ZNF718: variants seen among roughly 807,000 people sequenced by gnomAD.
ZNF718 encodes the protein zinc finger protein 718.
A neutral mutation model predicts 2.6 loss-of-function variants in ZNF718; 3 were observed. The observed-to-expected ratio is 1.16, with a 90% CI of 0.53 to 3.01. ZNF718 has a LOEUF of 3.01. ZNF718 is among the 30% of genes most tolerant of loss of function. The probability of loss-of-function intolerance (pLI) is 0.03; values close to 1 mark genes in which losing one functional copy is unlikely to be tolerated. For missense variants in ZNF718, 468 were observed against 230.0 expected (o/e 2.03, Z -6.69); for synonymous variants, 135 against 77.9 (o/e 1.73, Z -3.86).
At chr4:186,984 C>G (rs577916642) in intron 3 of ZNF718, among the ~76,000 whole-genome samples, 52 of 152,226 alleles carry the variant, frequency 3.4e-4, no homozygotes, top group Middle Eastern at 3.4e-3. Flanking sequence ...ACATGGTGCA[C>G]CCTTACTTTT....
At chr4:177,764 G>C (rs528681994) in intron 3 of ZNF718, among the ~76,000 whole-genome samples, 4 of 152,262 alleles carry the variant, frequency 2.6e-5, no homozygotes, top group African/African-American at 9.6e-5. Context: ...ATGAGACACT[G>C]ATGAGTTCTT....
chr4:167,181 G>A (rs1011752949), downstream of ZNF718, among the ~76,000 whole-genome samples: 4 of 152,064 alleles, frequency 2.6e-5, no homozygotes, highest in African/African-American at 4.8e-5. Context: ...CATTATTTTT[G>A]AGGGCTCTGT....
intron 3 of ZNF718, among the ~76,000 whole-genome samples, chr4:142,548 GCAT>G (rs1398260784): frequency 6.6e-6 from 1 of 151,908 alleles, no homozygotes; most frequent in African/African-American, 2.4e-5. Flanking sequence ...TTCTAGAGGG[GCAT>G]CATTTGTTAG....
intron 3 of ZNF718, among the ~76,000 whole-genome samples, chr4:153,716 G>A (rs1027697731): frequency 2.0e-5 from 3 of 152,032 alleles, no homozygotes; most frequent in Non-Finnish European, 4.4e-5. Context: ...CAACAAATTA[G>A]GTATAGATGG....
At chr4:145,695 C>T (rs1254399015) in intron 3 of ZNF718, among the ~76,000 whole-genome samples, 1 of 152,102 alleles carries the variant, frequency 6.6e-6, no homozygotes, top group Admixed American at 6.5e-5. Flanking sequence ...TGGGTTCAAG[C>T]ACTCCACCTG....
chr4:190,767 G>A (rs928438917), intron 3 of ZNF718, among the ~76,000 whole-genome samples: 17 of 152,106 alleles, frequency 1.1e-4, no homozygotes, highest in Non-Finnish European at 2.4e-4. Flanking sequence ...TCAACTGAGC[G>A]TGGTGGCTCA....
In ZNF718 at chr4:161,001, C is replaced by G. The variant is rs368501888; in HGVS notation, c.316C>G (p.Arg106Gly). 9.5e-5 allele frequency: 74 copies of G among 780,732 alleles called. 1 individual carries two copies. In the African/African-American group the frequency reaches 1.2e-3, roughly 12 times the overall value. 48.4% of individuals were successfully genotyped at this position (780,732 alleles called of 1,614,324 possible). A position where few individuals can be genotyped will look rare whatever the true frequency, so the allele number is the denominator to read the frequency against. The change falls in exon 4 of 4, where the codon CGT becomes GGT. Residue 106 changes from arginine (R) to glycine (G), a missense_variant. Coordinates refer to ENST00000510175, the MANE Select transcript of ZNF718 (RefSeq NM_001039127.6). Reference protein sequence around the residue: ...HKLIPKGHEKRGHENLRKTCK... With the variant: ...HKLIPKGHEKGGHENLRKTCK... The stretch of plus-strand genomic sequence containing the variant: ...ACTTATACCAAAAGGACATGAGAAA[C>G]GTGGACATGAGAATTTAAGAAAAAC...
chr4:150,393 T>C (rs1553812310), intron 3 of ZNF718: 2 of 152,166 alleles, frequency 1.3e-5, no homozygotes, highest in Non-Finnish European at 2.9e-5. Context: ...TGTATTTTCA[T>C]GTTTTTGTTT....
At chr4:193,209 C>A (rs531365953) in intron 3 of ZNF718, among the ~76,000 whole-genome samples, 12 of 152,068 alleles carry the variant, frequency 7.9e-5, no homozygotes, top group African/African-American at 2.2e-4. Context: ...CGGCTCTTTT[C>A]GCTTCAATAT....
rs1157888725 is a variant in ZNF718 at position 127,281 on chromosome 4, C to G, written c.3+2608C>G. On this transcript the variant is annotated intron_variant, in intron 1 of 3. Coordinates refer to ENST00000510175, the MANE Select transcript of ZNF718 (RefSeq NM_001039127.6). ...ATGACAAAGTGCAGCAAGGTGCTCC[C>G]CAAATCTGCAAACAAAATAGTCTCT... is the stretch of plus-strand genomic sequence containing the variant. 5.8e-5 allele frequency among the ~76,000 whole-genome samples: 6 copies of G among 104,268 alleles called. 2 individuals carry two copies. The highest frequency in any genetic ancestry group is 8.6e-5 in the Non-Finnish European group (4 of 46,726). The allele number at this position is 104,268 out of a possible 152,430, so 68.4% of individuals were successfully genotyped here. A position where few individuals can be genotyped will look rare whatever the true frequency, so the allele number is the denominator to read the frequency against.
chr4:144,796 A>G (rs1715975616), intron 3 of ZNF718, among the ~76,000 whole-genome samples: 1 of 151,972 alleles, frequency 6.6e-6, no homozygotes, highest in South Asian at 2.1e-4. Flanking sequence ...TCTTGGTTTG[A>G]TTTTCACATT....
intron 3 of ZNF718, among the ~76,000 whole-genome samples, chr4:157,116 T>C (rs1356586686): frequency 0.012 from 1,709 of 141,906 alleles, 41 homozygotes; most frequent in African/African-American, 0.042. Context: ...TTTTTTTTTT[T>C]TTTTTTTTTT....
chr4:143,625 G>A (rs6841951), intron 3 of ZNF718, among the ~76,000 whole-genome samples: 80,092 of 152,010 alleles, frequency 0.53, 21,443 homozygotes, highest in East Asian at 0.78. Flanking sequence ...GAACAAATCA[G>A]GTTTTTTTTC....
At chr4:171,428 C>T (rs1717226252) in intron 3 of ZNF718, among the ~76,000 whole-genome samples, 1 of 152,148 alleles carries the variant, frequency 6.6e-6, no homozygotes, top group South Asian at 2.1e-4. Context: ...TTGGCTGTGC[C>T]CTGCCCCCCA....
rs2108778390 is a variant in ZNF718 at position 127,751 on chromosome 4, T to C, written c.4-3037T>C. On this transcript the variant is annotated intron_variant, in intron 1 of 3. Coordinates refer to ENST00000510175, the MANE Select transcript of ZNF718 (RefSeq NM_001039127.6). ...TGAAATTGCTTGCTATTGGCACAAG[T>C]GGCTATAAATTAACCTAATAATGCC... Among the ~76,000 whole-genome samples, 2 of 105,182 alleles carry C rather than the reference T, an allele frequency of 1.9e-5. 1 individual carries two copies. The highest frequency in any genetic ancestry group is 5.8e-4 in the South Asian group (2 of 3,442). The allele number at this position is 105,182 out of a possible 152,430, so 69.0% of individuals were successfully genotyped here.
intron 3 of ZNF718, 111 bp from the exon 4 acceptor site, chr4:160,801 T>G: frequency 1.6e-6 from 1 of 636,030 alleles, no homozygotes; most frequent in Non-Finnish European, 2.9e-6. Context: ...TTTGCCCACC[T>G]TGGCCTCGGA....
intron 3 of ZNF718, among the ~76,000 whole-genome samples, chr4:159,407 C>G (rs1203646933): frequency 6.6e-6 from 1 of 151,154 alleles, no homozygotes; most frequent in Non-Finnish European, 1.5e-5. Context: ...TTGACAGATT[C>G]ACTGGTTATC....
At chr4:129,988 A>C (rs1312774745) in intron 1 of ZNF718, among the ~76,000 whole-genome samples, 2 of 104,974 alleles carry the variant, frequency 1.9e-5, no homozygotes, top group African/African-American at 6.6e-5. Flanking sequence ...ACGTTTTTCA[A>C]ATGCAGACTT....
chr4:202,071 G>T (rs1190553654), exon 5 of ZNF718: 1 of 152,250 alleles, frequency 6.6e-6, no homozygotes, highest in African/African-American at 2.4e-5. Flanking sequence ...TTGTGAGAGG[G>T]ACCTGGTGGG....
Sources: gnomAD v4.1 joint callset for allele counts (sites outside exome capture counted in the v4.1 genomes callset) on GRCh38, gnomAD v4.1.1 for gene constraint, MANE v1.5 for transcripts, NCBI Gene and HGNC (gene_info 2026-07-23, HGNC 2026-07-21) for gene names.